UMAD1: variants seen among roughly 807,000 people sequenced by gnomAD.
UMAD1 encodes the protein UBAP1-MVB12-associated (UMA) domain containing 1.
UMAD1 carries 8 observed loss-of-function variants against 6.1 expected under a neutral mutation model. That is an observed-to-expected ratio of 1.30 (90% confidence interval 0.76 to 2.35). The LOEUF (loss-of-function observed/expected upper bound fraction) is 2.35. UMAD1 is among the 30% of genes most tolerant of loss of function. UMAD1 has a pLI of 0.00. For missense variants in UMAD1, 130 were observed against 78.4 expected, an observed-to-expected ratio of 1.66 and a Z score of -2.49; for synonymous variants, 56 against 31.4, an observed-to-expected ratio of 1.78 and a Z score of -2.61.
chr7:7,777,265 G>T (rs1367041637), intron 2 of UMAD1, among the ~76,000 whole-genome samples: 1 of 151,808 alleles, frequency 6.6e-6, no homozygotes, highest in African/African-American at 2.4e-5. Context: ...CCAGTACTTT[G>T]GGTGGCTGAG....
At chr7:7,854,355 C>CAAAAAAAAAAAAAAAAAAA (rs34829393) in intron 3 of UMAD1, among the ~76,000 whole-genome samples, 1 of 49,164 alleles carries the variant, frequency 2.0e-5, no homozygotes, top group African/African-American at 8.4e-5. Context: ...AGCTCCATCT[C>CAAAAAAAAAAAAAAAAAAA]AAAAAAAAAA....
At chr7:7,821,954 A>G (rs955557521) in intron 3 of UMAD1, among the ~76,000 whole-genome samples, 1 of 152,142 alleles carries the variant, frequency 6.6e-6, no homozygotes, top group African/African-American at 2.4e-5. Flanking sequence ...GTAATAATCT[A>G]TCACTTATTA....
rs1000890445 is a variant in UMAD1, at chr7:7,717,935, G to T, written c.82+44482G>T. 2.6e-5 allele frequency among the ~76,000 whole-genome samples: 4 copies of T among 152,150 alleles called. No individual in the cohort carries two copies. The East Asian group carries it at 7.7e-4, about 29-fold the overall frequency. ...CTATTAATAAACTTGATGTTTAATT[G>T]TAATATTAAGAGTCACAGAGTGCTG... On this transcript the variant is annotated intron_variant, in intron 2 of 3. Transcript: ENST00000682710.
intron 1 of UMAD1, among the ~76,000 whole-genome samples, chr7:7,649,738 GTC>G (rs56886425): frequency 2.8e-4 from 5 of 17,962 alleles, no homozygotes; most frequent in East Asian, 0.011. Flanking sequence ...CCGAATGTTT[GTC>G]TCTCTCCCCC....
In UMAD1 at chr7:7,751,600, G is replaced by T. The variant is rs888846503; in HGVS notation, c.83-50070G>T. Reference sequence around the variant, plus strand: ...TTGAATGTTGTATATGAGGGTGGAGGGACAGGTGGGGACAAACACCCAGCT... The same window carrying T: ...TTGAATGTTGTATATGAGGGTGGAGTGACAGGTGGGGACAAACACCCAGCT... On this transcript the variant is annotated intron_variant, in intron 2 of 3. Transcript: ENST00000682710. 2.1e-4 allele frequency among the ~76,000 whole-genome samples: 32 copies of T among 152,126 alleles called. 1 individual carries two copies. Among genetic ancestry groups the T allele is most frequent in the African/African-American group, 7.0e-4 (29 of 41,422 alleles).
chr7:7,745,590 A>G (rs1366322641), intron 2 of UMAD1, among the ~76,000 whole-genome samples: 1 of 152,246 alleles, frequency 6.6e-6, no homozygotes, highest in African/African-American at 2.4e-5. Flanking sequence ...CAGTAAGCTT[A>G]TAGTCTAGCG....
chr7:7,673,501 T>TA (rs1457444654), intron 2 of UMAD1, 48 bp downstream of exon 2: 2 of 682,286 alleles, frequency 2.9e-6, no homozygotes, highest in Admixed American at 4.8e-5. Context: ...ATGTTCTCTT[T>TA]AAAAAATTAC....
At chr7:7,831,392 C>A (rs73674644) in intron 3 of UMAD1, among the ~76,000 whole-genome samples, 306 of 152,290 alleles carry the variant, frequency 2.0e-3, no homozygotes, top group African/African-American at 6.9e-3. Flanking sequence ...TAAAATCAAA[C>A]TAAGGAACAA....
intron 2 of UMAD1, among the ~76,000 whole-genome samples, chr7:7,761,711 CATCTT>C (rs1369865374): frequency 2.0e-5 from 3 of 152,326 alleles, no homozygotes; most frequent in East Asian, 3.9e-4. Flanking sequence ...GAAAGACACT[CATCTT>C]ATTATTTATT....
chr7:7,707,743 A>C (rs1187579314), intron 2 of UMAD1, among the ~76,000 whole-genome samples: 1 of 152,208 alleles, frequency 6.6e-6, no homozygotes, highest in Admixed American at 6.5e-5. Flanking sequence ...AAAATCGGCC[A>C]AGGTATCTTT....
chr7:7,857,253 T>C (rs7801210), intron 3 of UMAD1, among the ~76,000 whole-genome samples: 3,183 of 152,230 alleles, frequency 0.021, 123 homozygotes, highest in African/African-American at 0.072. Flanking sequence ...CACCCGGGAG[T>C]TTACAACTAT....
chr7:7,730,579 G>A (rs1203846512), intron 2 of UMAD1, among the ~76,000 whole-genome samples: 1 of 152,072 alleles, frequency 6.6e-6, no homozygotes, highest in African/African-American at 2.4e-5. Flanking sequence ...TCACGTATAA[G>A]CCCTTCAAAA....
chr7:7,804,641 C>G (rs1256528215), intron 3 of UMAD1, among the ~76,000 whole-genome samples: 1 of 151,816 alleles, frequency 6.6e-6, no homozygotes, highest in Non-Finnish European at 1.5e-5. Flanking sequence ...CCACTGCACC[C>G]TAGCCTGAGC....
At chr7:7,817,451 C>G (rs910139434) in intron 3 of UMAD1, among the ~76,000 whole-genome samples, 1 of 152,162 alleles carries the variant, frequency 6.6e-6, no homozygotes, top group Non-Finnish European at 1.5e-5. Context: ...TTTGGATAAC[C>G]TCCTTACCTT....
intron 2 of UMAD1, among the ~76,000 whole-genome samples, chr7:7,700,597 A>G (rs1046810562): frequency 2.0e-5 from 3 of 152,012 alleles, no homozygotes; most frequent in East Asian, 3.9e-4. Context: ...ACAAACAAAA[A>G]CACCAAAGGG....
intron 3 of UMAD1, among the ~76,000 whole-genome samples, chr7:7,803,083 T>C (rs758384181): frequency 6.6e-6 from 1 of 152,226 alleles, no homozygotes; most frequent in Non-Finnish European, 1.5e-5. Flanking sequence ...CAAGATACTG[T>C]GCATGGAGCT....
chr7:7,641,635 C>T (rs1784976592), intron 1 of UMAD1: 1 of 152,220 alleles, frequency 6.6e-6, no homozygotes, highest in African/African-American at 2.4e-5. Context: ...CCTGGCTCAT[C>T]TTGTGACCCG....
chr7:7,717,060 C>CTTTTTTTTTTTTTTTTTTTTTTT (rs766644906), intron 2 of UMAD1, among the ~76,000 whole-genome samples: 1 of 141,604 alleles, frequency 7.1e-6, no homozygotes, highest in African/African-American at 2.6e-5. Context: ...TTCTTTTTTT[C>CTTTTTTTTTTTTTTTTTTTTTTT]TTTTTTTTTT....
chr7:7,741,429 G>A (rs1254552209), intron 2 of UMAD1, among the ~76,000 whole-genome samples: 2 of 151,834 alleles, frequency 1.3e-5, no homozygotes, highest in African/African-American at 2.4e-5. Flanking sequence ...AAATTAGCTG[G>A]GCGTGGTGGC....
Sources: gnomAD v4.1 joint callset for allele counts (sites outside exome capture counted in the v4.1 genomes callset) on GRCh38, gnomAD v4.1.1 for gene constraint, MANE v1.5 for transcripts, NCBI Gene and HGNC (gene_info 2026-07-23, HGNC 2026-07-21) for gene names.